Variants in KCNK2 observed in about 807,000 individuals in gnomAD.
The protein encoded by KCNK2 is potassium channel subfamily K member 2.
Under a neutral mutation model 40.5 loss-of-function variants are expected in KCNK2, and 21 were observed. The observed-to-expected ratio is 0.52, with a 90% confidence interval of 0.37 to 0.75. KCNK2 has a LOEUF of 0.75. KCNK2 is among the 30% of genes least tolerant of loss of function. The pLI, the probability that KCNK2 is intolerant of heterozygous loss-of-function variation, is 0.00. For missense variants in KCNK2, 399 were observed against 531.6 expected (o/e 0.75, Z 2.45); for synonymous variants, 191 against 202.2 (o/e 0.94, Z 0.47).
At chr1:215,137,131 A>G (rs548875360) in intron 3 of KCNK2, among the ~76,000 whole-genome samples, 1 of 152,334 alleles carries the variant, frequency 6.6e-6, no homozygotes, top group East Asian at 1.9e-4. Context: ...GTTTTATCAT[A>G]GGTTTTTGGC....
chr1:215,046,946 G>A lies in KCNK2; in HGVS notation c.35-39422G>A, dbSNP rs575099887. 1.2e-4 allele frequency among the ~76,000 whole-genome samples: 18 copies of A among 152,038 alleles called. No individual in the cohort carries two copies. The South Asian group carries it at 2.7e-3, about 23-fold the overall frequency. On this transcript the variant is annotated intron_variant, in intron 1 of 6. Coordinates refer to the KCNK2 transcript ENST00000391895. ...ATGACTTTATATATCTCTTGTTTCC[G>A]GGGTTAAAAATATCTCTATAGTGAT...
chr1:215,235,074 A>T lies in KCNK2; in HGVS notation c.1210A>T (p.Ser404Cys), dbSNP rs763684186. ...DVLPPLLKTESIYLNGLTPHC... is the reference protein window; with the variant it reads ...DVLPPLLKTECIYLNGLTPHC... The stretch of plus-strand genomic sequence containing the variant: ...CTTGCCTCCCTTACTGAAGACTGAG[A>T]GTATCTATCTGAATGGTTTGACGCC... The change falls in exon 7 of 7, where the codon AGT becomes TGT. Residue 404 changes from serine to cysteine, a missense_variant. By Grantham distance (112) the Ser-to-Cys change is moderately radical. Coordinates refer to ENST00000444842, the MANE Select transcript of KCNK2 (RefSeq NM_001017425.3). 7.4e-6 allele frequency: 12 copies of T among 1,613,202 alleles called. No individual in the cohort carries two copies. The highest frequency in any genetic ancestry group is 1.3e-5 in the African/African-American group (1 of 74,906).
At chr1:215,069,485 C>T (rs890477248) in intron 1 of KCNK2, among the ~76,000 whole-genome samples, 8 of 152,296 alleles carry the variant, frequency 5.3e-5, no homozygotes, top group African/African-American at 1.9e-4. Flanking sequence ...AATTGGCCTC[C>T]TCCTTTTTGT....
At chr1:215,036,262 T>G (rs1657381158) in intron 1 of KCNK2, among the ~76,000 whole-genome samples, 1 of 151,860 alleles carries the variant, frequency 6.6e-6, no homozygotes, top group Non-Finnish European at 1.5e-5. Context: ...CATATGGATA[T>G]CCAGTTGTTC....
intron 3 of KCNK2, among the ~76,000 whole-genome samples, chr1:215,168,027 A>T (rs1285969156): frequency 6.6e-6 from 1 of 152,182 alleles, no homozygotes; most frequent in East Asian, 1.9e-4. Flanking sequence ...TAACAAGAAA[A>T]AAAACCGATA....
chr1:215,067,594 T>G (rs941169506), intron 1 of KCNK2, among the ~76,000 whole-genome samples: 24 of 152,164 alleles, frequency 1.6e-4, no homozygotes, highest in Admixed American at 1.2e-3. Flanking sequence ...TCATCACACT[T>G]GTTGAATTTT....
chr1:215,101,238 G>A (rs1258967567), intron 2 of KCNK2, among the ~76,000 whole-genome samples: 1 of 151,978 alleles, frequency 6.6e-6, no homozygotes, highest in African/African-American at 2.4e-5. Context: ...ATATCTACTT[G>A]AACGAGATAA....
At chr1:215,171,922 C>G in intron 4 of KCNK2, 75 bp from the exon 5 acceptor site, 1 of 22,928 alleles carries the variant, frequency 4.4e-5, no homozygotes, top group Non-Finnish European at 8.2e-5. Context: ...CTCTCTTTGT[C>G]TCTCTCTCTC....
At chr1:215,230,817 G>A (rs1312987457) in intron 6 of KCNK2, among the ~76,000 whole-genome samples, 1 of 151,532 alleles carries the variant, frequency 6.6e-6, no homozygotes, top group Non-Finnish European at 1.5e-5. Context: ...TTTATGATTT[G>A]CAGAGTTTAC....
chr1:215,148,104 G>T (rs1290620649), intron 3 of KCNK2, among the ~76,000 whole-genome samples: 3 of 41,654 alleles, frequency 7.2e-5, no homozygotes, highest in East Asian at 5.3e-4. Context: ...TTTTTGGCAG[G>T]GTCTTGCTCT....
At chr1:215,052,620 C>A (rs1025474514) in intron 1 of KCNK2, among the ~76,000 whole-genome samples, 1 of 152,166 alleles carries the variant, frequency 6.6e-6, no homozygotes, top group African/African-American at 2.4e-5. Context: ...GCCAGAGATG[C>A]TGCTAAATAT....
At position 215,156,061 on chromosome 1, in the gene KCNK2, C is replaced by G. The variant is rs976708954; in HGVS notation, c.476-13138C>G. On this transcript the variant is annotated intron_variant, in intron 3 of 6. Coordinates refer to ENST00000444842, the MANE Select transcript of KCNK2 (RefSeq NM_001017425.3). The stretch of plus-strand genomic sequence containing the variant: ...TATTTGTAGATATATTATAGGTAGT[C>G]TGTGTGTGTGTGTGTGTGTGTATAT... 6.7e-5 allele frequency among the ~76,000 whole-genome samples: 10 copies of G among 148,740 alleles called. No individual in the cohort carries two copies. The East Asian group carries it at 9.9e-4, about 15-fold the overall frequency.
At chr1:215,074,991 C>A (rs1470952401) in intron 1 of KCNK2, among the ~76,000 whole-genome samples, 5 of 152,048 alleles carry the variant, frequency 3.3e-5, no homozygotes, top group African/African-American at 1.2e-4. Context: ...TATTCAATAT[C>A]TTATTCTCTG....
chr1:215,093,778 TATATA>T (rs1558087905), intron 2 of KCNK2, among the ~76,000 whole-genome samples: 16 of 13,578 alleles, frequency 1.2e-3, no homozygotes, highest in East Asian at 4.0e-3. Context: ...TAAAATATAT[TATATA>T]TTATATATTA....
chr1:215,109,892 T>A (rs545471370), intron 2 of KCNK2, among the ~76,000 whole-genome samples: 1 of 152,080 alleles, frequency 6.6e-6, no homozygotes, highest in African/African-American at 2.4e-5. Context: ...TGTTATTTTT[T>A]ATCTTTTTAA....
At position 215,083,210 on chromosome 1, in the gene KCNK2, T is replaced by G; in HGVS notation, c.-176T>G. On this transcript the variant is annotated 5_prime_UTR_variant, in exon 1 of 7. Transcript: ENST00000444842. ...TTCTCACGCTCCCCCCCCCGCCCCC[T>G]CCCGCGTCCAGCCCCGCTCTCCCCA... The G allele has an allele frequency of 9.7e-5, 38 of 391,834 alleles. No individual in the cohort carries two copies. The highest frequency in any genetic ancestry group is 1.5e-4 in the East Asian group (2 of 13,724). The allele number at this position is 391,834 out of a possible 1,614,324, so 24.3% of individuals were successfully genotyped here. A position where few individuals can be genotyped will look rare whatever the true frequency, so the allele number is the denominator to read the frequency against.
intron 6 of KCNK2, among the ~76,000 whole-genome samples, chr1:215,226,557 C>A (rs1301294058): frequency 6.6e-6 from 1 of 152,046 alleles, no homozygotes; most frequent in Non-Finnish European, 1.5e-5. Flanking sequence ...AATCTCCTGA[C>A]CTCGCGATTC....
At chr1:215,059,207 C>T (rs764019367) in intron 1 of KCNK2, among the ~76,000 whole-genome samples, 1 of 151,880 alleles carries the variant, frequency 6.6e-6, no homozygotes, top group Non-Finnish European at 1.5e-5. Context: ...AATTTTAGCT[C>T]CAGGAGAGCA....
chr1:215,019,780 A>G (rs1656724245), intron 1 of KCNK2, among the ~76,000 whole-genome samples: 1 of 152,142 alleles, frequency 6.6e-6, no homozygotes. Context: ...GGTTTTTGGT[A>G]TGCTTGGTTA....
Sources: gnomAD v4.1 joint callset for allele counts (sites outside exome capture counted in the v4.1 genomes callset) on GRCh38, gnomAD v4.1.1 for gene constraint, MANE v1.5 for transcripts, NCBI Gene and HGNC (gene_info 2026-07-23, HGNC 2026-07-21) for gene names.